TG: variants seen among roughly 807,000 people sequenced by gnomAD.
TG encodes thyroglobulin, also known as thyroid hormones.
TG carries 270 observed loss-of-function variants against 324.7 expected under a neutral mutation model. The observed-to-expected ratio is 0.83, with a 90% CI of 0.75 to 0.92. The LOEUF (loss-of-function observed/expected upper bound fraction) is 0.92, where lower values mean the gene tolerates loss of function less well. Among genes scored for constraint, TG ranks in the 40% least tolerant of loss-of-function variants. TG has a pLI of 0.00. For missense variants in TG, 3,591 were observed against 3,456.4 expected (o/e 1.04, Z -0.98); for synonymous variants, 1,401 against 1,327.0 (o/e 1.06, Z -1.21).
chr8:133,010,056 T>A (rs1834369673), intron 35 of TG, among the ~76,000 whole-genome samples: 1 of 152,226 alleles, frequency 6.6e-6, no homozygotes, highest in African/African-American at 2.4e-5. Flanking sequence ...CAGGGTGTTA[T>A]CAAAGGCAAA....
At chr8:133,098,113 G>T (rs1025865802) in intron 43 of TG, among the ~76,000 whole-genome samples, 1 of 152,122 alleles carries the variant, frequency 6.6e-6, no homozygotes, top group African/African-American at 2.4e-5. Context: ...ACCCTGAGGG[G>T]CTGAGATTTT....
At chr8:133,093,361 T>A (rs577626343) in intron 41 of TG, among the ~76,000 whole-genome samples, 3 of 149,454 alleles carry the variant, frequency 2.0e-5, no homozygotes, top group East Asian at 3.9e-4. Flanking sequence ...TTCTTCTCTC[T>A]CTTTTAAAAA....
chr8:132,980,793 C>G (rs1045467512), intron 34 of TG, among the ~76,000 whole-genome samples: 1 of 152,106 alleles, frequency 6.6e-6, no homozygotes, highest in Admixed American at 6.5e-5. Flanking sequence ...GGGCAAAAAA[C>G]CTGACAGATG....
At chr8:133,110,740 GC>G (rs1312238834) in intron 43 of TG, among the ~76,000 whole-genome samples, 2 of 152,210 alleles carry the variant, frequency 1.3e-5, no homozygotes, top group African/African-American at 4.8e-5. Context: ...CCTATGAGAA[GC>G]CTGAGGATTA....
rs749862463 is a variant in TG at position 133,012,018 on chromosome 8, G to A, written c.6380G>A (p.Arg2127Gln). The A allele has an allele frequency of 6.8e-6, 11 of 1,614,058 alleles. No homozygotes were observed. The highest frequency in any genetic ancestry group is 4.5e-5 in the East Asian group (2 of 44,900). ...TAATSNFSAV[R>Q]DLCLSECSQH... ...GCCACCAGCAATTTCTCTGCTGTCC[G>A]AGACCTCTGTTTGTCGGGTAAGGGG... Residue 2127 changes from arginine to glutamine, a missense_variant, in exon 36 of 48, where the codon CGA (arginine) becomes CAA (glutamine). By Grantham distance (43) the Arg-to-Gln change is conservative (BLOSUM62 1). Transcript: ENST00000220616.
intron 3 of TG, 127 bp from the exon 4 acceptor site, chr8:132,871,221 C>G: frequency 2.1e-6 from 2 of 931,062 alleles, no homozygotes; most frequent in Admixed American, 1.9e-5. Flanking sequence ...CCCATCACTG[C>G]GTGTCCTTGG....
Position 132,923,384 on chromosome 8 carries a change from G to A in TG, c.4575G>A (p.Gln1525=), listed in dbSNP as rs532885276. Residue 1525 remains glutamine, a synonymous_variant, in exon 22 of 48, where the codon CAG becomes CAA. Transcript: ENST00000220616. The part of the protein sequence containing the change: ...QRNEAGLQCD[Q]NGQYRASQKD... ...ACGAAGCAGGCCTGCAATGTGACCAGAATGGCCAGTATCGAGCCAGCCAGA... is the reference window on the plus strand; with the variant it reads ...ACGAAGCAGGCCTGCAATGTGACCAAAATGGCCAGTATCGAGCCAGCCAGA... The A allele has an allele frequency of 3.1e-6, 5 of 1,614,130 alleles. No individual in the cohort carries two copies. The highest frequency in any genetic ancestry group is 4.2e-6 in the Non-Finnish European group (5 of 1,180,020).
intron 35 of TG, among the ~76,000 whole-genome samples, chr8:132,997,333 T>G (rs1214077168): frequency 6.6e-6 from 1 of 152,324 alleles, no homozygotes; most frequent in Non-Finnish European, 1.5e-5. Flanking sequence ...GGACATCTGC[T>G]TGGAGGTGTC....
chr8:132,907,122 T>C (rs775753489), intron 17 of TG, among the ~76,000 whole-genome samples: 37 of 152,214 alleles, frequency 2.4e-4, no homozygotes, highest in Non-Finnish European at 2.5e-4. Flanking sequence ...TTGTCCCTTC[T>C]CTGGAACCAT....
At chr8:132,964,648 A>C in intron 29 of TG, 1 of 475,998 alleles carries the variant, frequency 2.1e-6, no homozygotes, top group African/African-American at 2.0e-5. Context: ...AGAAATAGGA[A>C]ATGGCTTAAT....
At chr8:132,881,814 T>C in intron 5 of TG, 49 bp from the exon 6 acceptor site, 1 of 1,310,764 alleles carries the variant, frequency 7.6e-7, no homozygotes, top group Non-Finnish European at 1.1e-6. Flanking sequence ...GAAAAGCTTG[T>C]GATGACTTGC....
intron 41 of TG, among the ~76,000 whole-genome samples, chr8:133,054,187 G>A (rs952790904): frequency 6.6e-6 from 1 of 152,094 alleles, no homozygotes. Context: ...TAGCTTTATG[G>A]AGAGCTCAGC....
chr8:133,098,775 T>C (rs1009493063), intron 43 of TG, among the ~76,000 whole-genome samples: 1 of 152,142 alleles, frequency 6.6e-6, no homozygotes, highest in Non-Finnish European at 1.5e-5. Flanking sequence ...GTTGTTCTTG[T>C]TGGCAGATCT....
At chr8:133,105,914 A>G (rs1849762526) in intron 43 of TG, among the ~76,000 whole-genome samples, 1 of 151,994 alleles carries the variant, frequency 6.6e-6, no homozygotes, top group South Asian at 2.1e-4. Flanking sequence ...ACCTTGATGG[A>G]GGTTGGGGTA....
At chr8:132,892,892 C>T (rs568984609) in intron 10 of TG, among the ~76,000 whole-genome samples, 3 of 110,872 alleles carry the variant, frequency 2.7e-5, no homozygotes, top group Non-Finnish European at 5.4e-5. Context: ...GTGTGGTATG[C>T]CTGTGTGCAT....
intron 41 of TG, among the ~76,000 whole-genome samples, chr8:133,039,448 A>G (rs116629966): frequency 0.011 from 1,716 of 152,276 alleles, 35 homozygotes; most frequent in African/African-American, 0.037. Flanking sequence ...TGATTTGCCA[A>G]TGGGATGTCT....
At position 132,888,137 on chromosome 8, in the gene TG, C is replaced by T. The variant is rs3739274; in HGVS notation, c.2330C>T (p.Pro777Leu). Residue 777 changes from proline to leucine, a missense_variant, in exon 10 of 48, where the codon CCT (proline) becomes CTT (leucine). Coordinates refer to ENST00000220616, the MANE Select transcript of TG (RefSeq NM_003235.5). Reference protein sequence around the residue: ...GQWRQVQCNGPPEQVFELYQR... With the variant: ...GQWRQVQCNGLPEQVFELYQR... ...TGGAGACAAGTGCAATGCAATGGGCCTCCTGAGCAGGTCTTCGAGTTGTAC... is the reference window on the plus strand; with the variant it reads ...TGGAGACAAGTGCAATGCAATGGGCTTCCTGAGCAGGTCTTCGAGTTGTAC... 1,036 of 1,614,072 alleles carry T rather than the reference C, an allele frequency of 6.4e-4. 30 individuals carry two copies. The East Asian group carries it at 0.023, about 36-fold the overall frequency.
At chr8:133,071,509 T>A (rs115242406) in intron 41 of TG, among the ~76,000 whole-genome samples, 1 of 152,092 alleles carries the variant, frequency 6.6e-6, no homozygotes, top group Non-Finnish European at 1.5e-5. Context: ...ATTCAGTAGG[T>A]GGATTGATAG....
chr8:132,916,712 GT>G (rs1820333986), intron 20 of TG, among the ~76,000 whole-genome samples: 1 of 152,212 alleles, frequency 6.6e-6, no homozygotes, highest in African/African-American at 2.4e-5. Flanking sequence ...GATGGAGTCA[GT>G]TTTGTTCCCC....
Sources: gnomAD v4.1 joint callset for allele counts (sites outside exome capture counted in the v4.1 genomes callset) on GRCh38, gnomAD v4.1.1 for gene constraint, MANE v1.5 for transcripts, NCBI Gene and HGNC (gene_info 2026-07-23, HGNC 2026-07-21) for gene names.